Variants in CARS2 observed in about 807,000 individuals in gnomAD.
The protein encoded by CARS2 is probable cysteine--tRNA ligase, mitochondrial.
In CARS2, 52 loss-of-function variants were observed where a neutral mutation model predicts 68.8. The observed-to-expected ratio is 0.76, with a 90% confidence interval of 0.61 to 0.95. The LOEUF (loss-of-function observed/expected upper bound fraction) is 0.95, where lower values mean the gene tolerates loss of function less well. Among genes scored for constraint, CARS2 ranks in the 40% least tolerant of loss-of-function variants. CARS2 has a pLI of 0.00. For missense variants in CARS2, 780 were observed against 754.2 expected (o/e 1.03, Z -0.40); for synonymous variants, 314 against 303.6 (o/e 1.03, Z -0.36).
At chr13:110,704,689 G>A (rs1315713095) in intron 2 of CARS2, among the ~76,000 whole-genome samples, 3 of 151,902 alleles carry the variant, frequency 2.0e-5, no homozygotes, top group Non-Finnish European at 2.9e-5. Flanking sequence ...GCAGTGAGCC[G>A]AGATTGCACC....
intron 3 of CARS2, among the ~76,000 whole-genome samples, chr13:110,692,348 G>C (rs955295014): frequency 6.6e-6 from 1 of 151,706 alleles, no homozygotes; most frequent in African/African-American, 2.4e-5. Context: ...GCACATGTCT[G>C]TAATCCTGGC....
Position 110,665,430 on chromosome 13 carries a change from G to A in CARS2, c.919+1910C>T, listed in dbSNP as rs2062622290. 2 of 984,914 alleles carry A rather than the reference G, an allele frequency of 2.0e-6. No individual in the cohort carries two copies. The highest frequency in any genetic ancestry group is 2.4e-6 in the Non-Finnish European group (2 of 829,562). The allele number at this position is 984,914 out of a possible 1,614,324, so 61.0% of individuals were successfully genotyped here. On this transcript the variant is annotated intron_variant, in intron 8 of 14. Transcript: ENST00000257347. The surrounding 1 kb of genome is among the most constrained non-coding windows in gnomAD (Gnocchi z 4.3). ...CACTGCACTCCCAGGCTGGGGGACG[G>A]AGCGAAATTGTTTCAACAACAACAG...
At position 110,641,569 on chromosome 13, in the gene CARS2, G is replaced by A. The variant is rs1288923379; in HGVS notation, c.1663C>T (p.Gln555Ter). 1 of 1,614,110 alleles carries A rather than the reference G, an allele frequency of 6.2e-7. No individual in the cohort carries two copies. The highest frequency in any genetic ancestry group is 1.3e-5 in the African/African-American group (1 of 75,052). Residue 555 changes from glutamine to a stop codon, truncating the protein, a stop_gained, in exon 15 of 15, where the codon CAA (glutamine) becomes TAA (stop). Coordinates refer to ENST00000257347, the MANE Select transcript of CARS2 (RefSeq NM_024537.4). LOFTEE classifies it high-confidence loss of function. ...GCTGATTTTTGGTCTTTTGTCCTTT[G>A]ATCCAGCAGTTCCCACGTGGATGTT... is the stretch of plus-strand genomic sequence containing the variant. ...STTSTWELLD[Q>*]RTKDQKSAG
intron 8 of CARS2, chr13:110,663,878 C>G: frequency 2.9e-6 from 3 of 1,037,854 alleles, no homozygotes; most frequent in Non-Finnish European, 3.5e-6. Context: ...TGGTCAGCAT[C>G]TGAAGAAACG....
chr13:110,664,945 C>A, intron 8 of CARS2: 2 of 929,872 alleles, frequency 2.2e-6, no homozygotes, highest in African/African-American at 3.6e-5. Flanking sequence ...TGCTGTTGTT[C>A]ATAACACGCC....
rs1245122894 is a variant in CARS2, at chr13:110,653,940, C to T, written c.988-2840G>A. Among the ~76,000 whole-genome samples the T allele has an allele frequency of 6.6e-6, 1 of 152,244 alleles. No individual in the cohort carries two copies. The highest frequency in any genetic ancestry group is 1.5e-5 in the Non-Finnish European group (1 of 68,052). On this transcript the variant is annotated intron_variant, in intron 9 of 14. Transcript: ENST00000257347. This position sits in a 1 kb window ranked among gnomAD's most constrained non-coding sequence, Gnocchi z 5.6. ...TCCGGTTCCACCGTGCAACCTGCCA[C>T]GGCTCCCTGAGAGGCAAAATGTGGC... is the stretch of plus-strand genomic sequence containing the variant.
chr13:110,641,514 AG>A lies in CARS2; in HGVS notation c.*22del. 1 of 1,592,078 alleles carries A rather than the reference AG, an allele frequency of 6.3e-7. No individual in the cohort carries two copies. The highest frequency in any genetic ancestry group is 1.1e-5 in the South Asian group (1 of 90,634). On this transcript the variant is annotated 3_prime_UTR_variant, in exon 15 of 15. Coordinates refer to ENST00000257347, the MANE Select transcript of CARS2 (RefSeq NM_024537.4). ...AGCATGGGTGCGTCTTGTCGTGAGCAGGTTCATGGCTGTGCTCCATCCTCAG... is the reference window on the plus strand; with the variant it reads ...AGCATGGGTGCGTCTTGTCGTGAGCAGTTCATGGCTGTGCTCCATCCTCAG...
chr13:110,709,027 G>A (rs1238398397), upstream of CARS2, among the ~76,000 whole-genome samples: 1 of 151,778 alleles, frequency 6.6e-6, no homozygotes, highest in Non-Finnish European at 1.5e-5. Flanking sequence ...CTCCCAAAGC[G>A]GTGGGAATAC....
At chr13:110,691,457 C>G (rs2063457071) in intron 3 of CARS2, among the ~76,000 whole-genome samples, 1 of 152,094 alleles carries the variant, frequency 6.6e-6, no homozygotes, top group Admixed American at 6.6e-5. Flanking sequence ...ATTTCTGAAT[C>G]TTTTCTCATA....
At chr13:110,683,795 T>C (rs897865236) in intron 5 of CARS2, among the ~76,000 whole-genome samples, 1 of 152,060 alleles carries the variant, frequency 6.6e-6, no homozygotes, top group African/African-American at 2.4e-5. Context: ...GGCAGGAGGA[T>C]TGTTTGAGCT....
rs1420184025 is a variant in CARS2, at chr13:110,651,057, CAGA to C, written c.1028_1030del (p.Phe343del). 1 of 1,613,482 alleles carries C rather than the reference CAGA, an allele frequency of 6.2e-7. No homozygotes were observed. The highest frequency in any genetic ancestry group is 1.1e-5 in the South Asian group (1 of 91,070). ...ACCTGAGCGGTAGCTGCTCCGCAGGCAGAAGAACCGGAAGACATCGGGGGAAAA... is the reference window on the plus strand; with the variant it reads ...ACCTGAGCGGTAGCTGCTCCGCAGGCAGAACCGGAAGACATCGGGGGAAAA... On this transcript the variant is annotated inframe_deletion, in exon 10 of 15. Coordinates refer to ENST00000257347, the MANE Select transcript of CARS2 (RefSeq NM_024537.4).
At chr13:110,660,728 G>A (rs762893412) in intron 9 of CARS2, among the ~76,000 whole-genome samples, 46 of 150,410 alleles carry the variant, frequency 3.1e-4, no homozygotes, top group Admixed American at 9.3e-4. Flanking sequence ...GATATTCCAC[G>A]TATACAGCAC....
intron 3 of CARS2, among the ~76,000 whole-genome samples, chr13:110,690,665 C>T (rs2063432806): frequency 1.3e-5 from 2 of 152,364 alleles, no homozygotes; most frequent in South Asian, 4.1e-4. Context: ...TTTGCAGCAG[C>T]CCAAGTGTGC....
At chr13:110,643,987 G>A (rs1379997629) in intron 13 of CARS2, 7 of 631,908 alleles carry the variant, frequency 1.1e-5, no homozygotes, top group African/African-American at 3.8e-5. Context: ...CGTCCTGTCC[G>A]TACAAAACAT....
Position 110,683,127 on chromosome 13 carries a change from G to C in CARS2, c.579C>G (p.Val193=). The C allele has an allele frequency of 6.3e-7, 1 of 1,587,348 alleles. No individual in the cohort carries two copies. The highest frequency in any genetic ancestry group is 8.6e-7 in the Non-Finnish European group (1 of 1,168,328). The change falls in exon 6 of 15, where the codon GTC becomes GTG. Residue 193 remains valine (V), a synonymous_variant. Coordinates refer to ENST00000257347, the MANE Select transcript of CARS2 (RefSeq NM_024537.4). ...GNAYSTAKGN[V]YFDLKSRGDK... Reference sequence around the variant, plus strand: ...CTCCTCTAGACTTCAGATCGAAGTAGACATTGCCTGTTTATAAAGACAATT... The same window carrying C: ...CTCCTCTAGACTTCAGATCGAAGTACACATTGCCTGTTTATAAAGACAATT...
chr13:110,712,888 G>C (rs758270604), intron 1 of CARS2: 1 of 1,430,566 alleles, frequency 7.0e-7, no homozygotes, highest in Non-Finnish European at 9.6e-7. Context: ...ACTGAGTACC[G>C]GGAGACGACA....
intron 3 of CARS2, among the ~76,000 whole-genome samples, chr13:110,700,923 C>T (rs993374309): frequency 4.6e-5 from 7 of 152,202 alleles, no homozygotes; most frequent in African/African-American, 1.7e-4. Flanking sequence ...GATCACAATA[C>T]GATAGATGTT....
chr13:110,644,582 T>G, intron 12 of CARS2, 99 bp from the exon 13 acceptor site: 2 of 1,544,850 alleles, frequency 1.3e-6, no homozygotes, highest in Non-Finnish European at 1.7e-6. Flanking sequence ...AGCAGGTCAC[T>G]TCAGTCTGGC....
chr13:110,646,313 C>T (rs544507159), intron 11 of CARS2: 1 of 481,296 alleles, frequency 2.1e-6, no homozygotes, highest in Admixed American at 4.0e-5. Context: ...CAGAGGTCAC[C>T]TGTGACACTT....
Sources: gnomAD v4.1 joint callset for allele counts (sites outside exome capture counted in the v4.1 genomes callset) on GRCh38, gnomAD v4.1.1 for gene constraint, Gnocchi (gnomAD v3.1) non-coding constraint, MANE v1.5 for transcripts, NCBI Gene and HGNC (gene_info 2026-07-23, HGNC 2026-07-21) for gene names.